Variants in UNC13C observed in about 807,000 individuals in gnomAD.
UNC13C encodes protein unc-13 homolog C.
In UNC13C, 174 loss-of-function variants were observed where a neutral mutation model predicts 245.4. The observed-to-expected ratio is 0.71, with a 90% CI of 0.63 to 0.80. UNC13C has a LOEUF of 0.80. Ranked by LOEUF, UNC13C falls within the 30% of genes least tolerant of loss-of-function variation. UNC13C has a pLI of 0.00. For synonymous variants in UNC13C, 992 were observed against 895.1 expected (o/e 1.11, Z -1.93); for missense variants, 2,829 against 2,602.9 (o/e 1.09, Z -1.89).
chr15:54,128,946 C>T (rs531806349), intron 2 of UNC13C, among the ~76,000 whole-genome samples: 44 of 152,326 alleles, frequency 2.9e-4, no homozygotes, highest in African/African-American at 1.1e-3. Flanking sequence ...TGCTTAAAAA[C>T]AATCTGATTC....
intron 1 of UNC13C, among the ~76,000 whole-genome samples, chr15:53,992,458 C>G (rs1430129104): frequency 6.6e-6 from 1 of 152,030 alleles, no homozygotes. Context: ...AAGTAAGAAG[C>G]CTCCATATTG....
At chr15:54,462,147 CA>C (rs1891881947) in intron 19 of UNC13C, among the ~76,000 whole-genome samples, 1 of 151,972 alleles carries the variant, frequency 6.6e-6, no homozygotes. Flanking sequence ...AAAGAGAGGC[CA>C]AGTAGTTGAG....
chr15:54,069,778 C>T (rs1243312736), intron 2 of UNC13C, among the ~76,000 whole-genome samples: 1 of 152,148 alleles, frequency 6.6e-6, no homozygotes, highest in Non-Finnish European at 1.5e-5. Flanking sequence ...TATACCTGAC[C>T]TCCAGGGATT....
At chr15:54,275,960 T>C (rs750374751) in intron 10 of UNC13C, among the ~76,000 whole-genome samples, 21 of 152,104 alleles carry the variant, frequency 1.4e-4, no homozygotes, top group Non-Finnish European at 2.6e-4. Flanking sequence ...GAATGAGCTG[T>C]AGGTATACAC....
the UNC13C span, among the ~76,000 whole-genome samples, chr15:53,881,934 G>A: frequency 1.3e-5 from 2 of 152,112 alleles, no homozygotes; most frequent in African/African-American, 2.4e-5. Flanking sequence ...ACCTTTTCAA[G>A]TCTTGATAGA....
chr15:54,324,358 C>G lies in UNC13C; in HGVS notation c.4425+2263C>G, dbSNP rs538919849. 3.3e-5 allele frequency among the ~76,000 whole-genome samples: 5 copies of G among 152,120 alleles called. No individual in the cohort carries two copies. The South Asian group carries it at 1.0e-3, about 32-fold the overall frequency. ...GCCCACACATTTTGAGACTCCAAAC[C>G]AGTAGAAAAAGCTTTCTTACCTATG... is the stretch of plus-strand genomic sequence containing the variant. On this transcript the variant is annotated intron_variant, in intron 14 of 32. Coordinates refer to ENST00000260323, the MANE Select transcript of UNC13C (RefSeq NM_001080534.3).
intron 13 of UNC13C, among the ~76,000 whole-genome samples, chr15:54,306,079 C>G (rs925783332): frequency 6.6e-6 from 1 of 152,010 alleles, no homozygotes; most frequent in African/African-American, 2.4e-5. Flanking sequence ...AATTTCTTTT[C>G]AGACAAAAGA....
chr15:54,050,705 T>TAA (rs914893974), intron 2 of UNC13C: 1 of 557,626 alleles, frequency 1.8e-6, no homozygotes, highest in Non-Finnish European at 3.6e-6. Flanking sequence ...ATCTATAGGG[T>TAA]AAATATCATC....
In UNC13C at chr15:54,535,336, A is replaced by G. The variant is rs183503125; in HGVS notation, c.5696+2270A>G. Among the ~76,000 whole-genome samples, 479 of 152,260 alleles carry G rather than the reference A, an allele frequency of 3.1e-3. 4 individuals are homozygous for G. Among genetic ancestry groups the G allele is most frequent in the East Asian group, 7.7e-4 (4 of 5,182 alleles). ...ACTTAGCTATCCTACACATATATCCACCTAACACTGGAGTATCTGGATTTA... is the reference window on the plus strand; with the variant it reads ...ACTTAGCTATCCTACACATATATCCGCCTAACACTGGAGTATCTGGATTTA... On this transcript the variant is annotated intron_variant, in intron 26 of 32. Transcript: ENST00000260323.
intron 19 of UNC13C, among the ~76,000 whole-genome samples, chr15:54,484,816 A>C (rs1336951220): frequency 1.3e-5 from 2 of 152,176 alleles, no homozygotes. Context: ...AAGGATCTCA[A>C]TTACAGGTTA....
At chr15:54,608,098 A>G (rs1415346073) in intron 30 of UNC13C, among the ~76,000 whole-genome samples, 2 of 152,228 alleles carry the variant, frequency 1.3e-5, no homozygotes, top group Non-Finnish European at 2.9e-5. Context: ...ATAAGTCAGA[A>G]AACTGAAATC....
At chr15:54,237,407 G>T (rs918908845) in intron 6 of UNC13C, 76 of 655,282 alleles carry the variant, frequency 1.2e-4, no homozygotes, top group Non-Finnish European at 1.8e-4. Flanking sequence ...AAAATGTAGG[G>T]GTTGGGTTTG....
intron 19 of UNC13C, among the ~76,000 whole-genome samples, chr15:54,487,177 G>C (rs978911748): frequency 6.6e-6 from 1 of 152,072 alleles, no homozygotes; most frequent in Non-Finnish European, 1.5e-5. Flanking sequence ...ATCATTCCTG[G>C]TTTAATGAAC....
chr15:54,426,971 A>C (rs1420153187), intron 19 of UNC13C, among the ~76,000 whole-genome samples: 1 of 151,830 alleles, frequency 6.6e-6, no homozygotes, highest in African/African-American at 2.4e-5. Context: ...CTAAAACCTG[A>C]GTTAACCATT....
chr15:54,163,848 T>C (rs1252898094), intron 4 of UNC13C, among the ~76,000 whole-genome samples: 1 of 152,162 alleles, frequency 6.6e-6, no homozygotes, highest in African/African-American at 2.4e-5. Flanking sequence ...AATTAACTGA[T>C]GTAGAAAAAA....
At chr15:54,174,218 A>T (rs2033526080) in intron 4 of UNC13C, among the ~76,000 whole-genome samples, 1 of 152,272 alleles carries the variant, frequency 6.6e-6, no homozygotes, top group Non-Finnish European at 1.5e-5. Flanking sequence ...GTCCTCATTA[A>T]ATAAATAAAG....
chr15:54,322,711 C>T (rs2038195091), intron 14 of UNC13C, among the ~76,000 whole-genome samples: 1 of 152,024 alleles, frequency 6.6e-6, no homozygotes, highest in Admixed American at 6.6e-5. Flanking sequence ...GTAACTCTTT[C>T]TCTGCAAGTA....
intron 30 of UNC13C, among the ~76,000 whole-genome samples, chr15:54,608,949 C>G (rs1279748428): frequency 6.6e-6 from 1 of 152,112 alleles, no homozygotes; most frequent in Non-Finnish European, 1.5e-5. Flanking sequence ...TTTGTGTATG[C>G]CTGCTTCTTG....
At chr15:54,066,662 G>A (rs1180765039) in intron 2 of UNC13C, among the ~76,000 whole-genome samples, 5 of 152,144 alleles carry the variant, frequency 3.3e-5, no homozygotes, top group African/African-American at 1.2e-4. Context: ...TTCAGAAGAT[G>A]ATTTCTAGGC....
Sources: allele counts gnomAD v4.1 joint callset (sites outside exome capture counted in the v4.1 genomes callset), GRCh38; gene constraint gnomAD v4.1.1; transcripts MANE v1.5; gene names NCBI Gene and HGNC (gene_info 2026-07-23, HGNC 2026-07-21).